Variants in USP37 observed in about 807,000 individuals in gnomAD.
USP37 encodes the protein ubiquitin specific peptidase 37.
Under a neutral mutation model 124.0 loss-of-function variants are expected in USP37, and 27 were observed. That is an observed-to-expected ratio of 0.22 (90% CI 0.16 to 0.30). The LOEUF is 0.30. Ranked by LOEUF, USP37 falls within the 10% of genes least tolerant of loss-of-function variation. The pLI is 1.00. For synonymous variants in USP37, 365 were observed against 388.0 expected (o/e 0.94, Z 0.70); for missense variants, 889 against 1,140.4 (o/e 0.78, Z 3.17).
chr2:218,543,501 CAAAAAAAAAAAA>C (rs35321679), intron 8 of USP37, among the ~76,000 whole-genome samples: 2 of 36,932 alleles, frequency 5.4e-5, no homozygotes, highest in East Asian at 8.7e-4. Context: ...GACTCCGTCT[CAAAAAAAAAAAA>C]AAAAAAAAAA....
chr2:218,553,609 T>C lies in USP37; in HGVS notation c.272A>G (p.Asp91Gly). The part of the protein sequence containing the change: ...FLSIDKVPSK[D>G]AEEMRLFLDA... ...TAGAAACAACCTCATTTCCTCTGCA[T>C]CCTTACTTGGTACTTTGTCAATAGA... is the stretch of plus-strand genomic sequence containing the variant. The change falls in exon 5 of 26, where the codon GAT becomes GGT. Residue 91 changes from aspartate (D) to glycine (G), a missense_variant. Asp to Gly is a moderately conservative substitution (Grantham distance 94). This residue lies in a region of USP37 where 374 missense variants were observed against 386.0 expected (regional missense o/e 0.97). Coordinates refer to ENST00000258399, the MANE Select transcript of USP37 (RefSeq NM_020935.3). 6.2e-7 allele frequency: 1 copy of C among 1,614,018 alleles called. No individual in the cohort carries two copies. Among genetic ancestry groups the C allele is most frequent in the East Asian group, 2.2e-5 (1 of 44,866 alleles).
intron 1 of USP37, among the ~76,000 whole-genome samples, chr2:218,563,358 T>G (rs1042538798): frequency 4.6e-5 from 7 of 152,230 alleles, no homozygotes. Context: ...AGCCTGCACC[T>G]TGTTCAACTT....
chr2:218,485,842 G>T, intron 15 of USP37, 99 bp from the exon 16 acceptor site: 1 of 1,306,654 alleles, frequency 7.7e-7, no homozygotes, highest in Non-Finnish European at 1.1e-6. Flanking sequence ...TTAGTGGAAT[G>T]ACAACTCTGA....
At chr2:218,481,586 C>T (rs980383792) in intron 17 of USP37, among the ~76,000 whole-genome samples, 10 of 152,066 alleles carry the variant, frequency 6.6e-5, no homozygotes, top group African/African-American at 1.7e-4. Context: ...AAATTTTAAG[C>T]ATTTTCTTCA....
At chr2:218,552,151 C>T (rs568456043) in intron 5 of USP37, among the ~76,000 whole-genome samples, 1 of 152,194 alleles carries the variant, frequency 6.6e-6, no homozygotes, top group Non-Finnish European at 1.5e-5. Flanking sequence ...AATTTGGTGG[C>T]ATGAACATAT....
chr2:218,465,979 C>T, intron 21 of USP37, 31 bp downstream of exon 21: 1 of 1,595,622 alleles, frequency 6.3e-7, no homozygotes, highest in Non-Finnish European at 8.5e-7. Context: ...AAGGTAAGTA[C>T]AGAGAAAGTA....
chr2:218,478,058 T>C (rs1016566056), intron 18 of USP37, among the ~76,000 whole-genome samples: 7 of 152,006 alleles, frequency 4.6e-5, no homozygotes, highest in African/African-American at 1.7e-4. Context: ...AAATGAAAAC[T>C]AGAAAATACA....
intron 23 of USP37, among the ~76,000 whole-genome samples, chr2:218,457,661 T>C (rs927597744): frequency 2.0e-5 from 3 of 152,204 alleles, no homozygotes; most frequent in African/African-American, 7.2e-5. Context: ...AACTTTTATA[T>C]TTTAAAAAAT....
At chr2:218,455,438 G>A (rs1651540557) in intron 25 of USP37, 142 bp downstream of exon 25, 1 of 1,014,578 alleles carries the variant, frequency 9.9e-7, no homozygotes, top group Non-Finnish European at 1.4e-6. Context: ...TCAAGAGATA[G>A]ACCCTAACCA....
At chr2:218,531,102 G>A (rs968269654) in intron 9 of USP37, among the ~76,000 whole-genome samples, 1 of 152,220 alleles carries the variant, frequency 6.6e-6, no homozygotes, top group Non-Finnish European at 1.5e-5. Context: ...TTAAACAACA[G>A]GTCTTCGATG....
chr2:218,561,813 A>G (rs1413287778), intron 2 of USP37, among the ~76,000 whole-genome samples: 4 of 152,166 alleles, frequency 2.6e-5, no homozygotes, highest in Admixed American at 2.6e-4. Context: ...GAGGCCCTTC[A>G]GGACTCAGGC....
chr2:218,546,260 T>G lies in USP37; in HGVS notation c.641A>C (p.Glu214Ala). Residue 214 changes from glutamate to alanine, a missense_variant, in exon 8 of 26, where the codon GAA (glutamate) becomes GCA (alanine). By Grantham distance (107) the Glu-to-Ala change is moderately radical. Coordinates refer to ENST00000258399, the MANE Select transcript of USP37 (RefSeq NM_020935.3). ...TTCCTTAGGGTAATCTTCATTCAAT[T>G]CTGAGCCAGTTGATATCATTCTTTT... ...KRKRMISTGS[E>A]LNEDYPKEND... is the part of the protein sequence containing the mutation. 1.2e-6 allele frequency: 2 copies of G among 1,613,356 alleles called. No homozygotes were observed. Among genetic ancestry groups the G allele is most frequent in the Non-Finnish European group, 1.7e-6 (2 of 1,179,846 alleles).
intron 20 of USP37, among the ~76,000 whole-genome samples, chr2:218,467,158 G>GT (rs1359296710): frequency 6.6e-6 from 1 of 151,738 alleles, no homozygotes; most frequent in South Asian, 2.1e-4. Context: ...ATTCAGGAAG[G>GT]TAAGAAATCC....
chr2:218,487,324 T>C (rs758426571), intron 15 of USP37, among the ~76,000 whole-genome samples: 15 of 152,262 alleles, frequency 9.9e-5, no homozygotes, highest in Non-Finnish European at 1.0e-4. Context: ...CTGCAGATCT[T>C]AGGATACCAA....
chr2:218,564,506 T>C (rs1461263861), intron 1 of USP37, among the ~76,000 whole-genome samples: 3 of 152,288 alleles, frequency 2.0e-5, no homozygotes, highest in African/African-American at 7.2e-5. Context: ...TGGCAACCCC[T>C]TCCCTTTCCA....
At chr2:218,458,852 A>G (rs1316616975) in intron 23 of USP37, among the ~76,000 whole-genome samples, 1 of 152,000 alleles carries the variant, frequency 6.6e-6, no homozygotes, top group African/African-American at 2.4e-5. Flanking sequence ...AAATCCCTTG[A>G]GCCCAGGAGT....
rs114167529 is a variant in USP37, at chr2:218,555,825, C to T, written c.157-2101G>A. Among the ~76,000 whole-genome samples, 490 of 152,230 alleles carry T rather than the reference C, an allele frequency of 3.2e-3. 1 individual carries two copies. Among genetic ancestry groups the T allele is most frequent in the African/African-American group, 0.011 (471 of 41,542 alleles). Reference sequence around the variant, plus strand: ...ACACCCCAATTCTTCCCCTCTGCTCCGTATCATGGAAGACATAAAAGTGAC... The same window carrying T: ...ACACCCCAATTCTTCCCCTCTGCTCTGTATCATGGAAGACATAAAAGTGAC... On this transcript the variant is annotated intron_variant, in intron 4 of 25. Coordinates refer to ENST00000258399, the MANE Select transcript of USP37 (RefSeq NM_020935.3).
At chr2:218,554,369 A>G (rs1692833204) in intron 4 of USP37, among the ~76,000 whole-genome samples, 2 of 152,208 alleles carry the variant, frequency 1.3e-5, no homozygotes, top group African/African-American at 4.8e-5. Context: ...TTATTTTCAG[A>G]TATAGTTATA....
In USP37 at chr2:218,461,884, C is replaced by T. The variant is rs189081298; in HGVS notation, c.2527+1422G>A. On this transcript the variant is annotated intron_variant, in intron 22 of 25. Transcript: ENST00000258399. ...TAAAAAATTAGCTGGAACCTGGGCA[C>T]GGTGGCTCACACCTGCAATCCCAAC... Among the ~76,000 whole-genome samples the T allele has an allele frequency of 2.2e-3, 335 of 152,066 alleles. 1 individual carries two copies. Among genetic ancestry groups the T allele is most frequent in the Non-Finnish European group, 3.5e-3 (239 of 67,958 alleles).
Sources: gnomAD v4.1 joint callset for allele counts (sites outside exome capture counted in the v4.1 genomes callset) on GRCh38, gnomAD v4.1.1 for gene constraint, gnomAD v4.1.1 regional missense constraint, MANE v1.5 for transcripts, NCBI Gene and HGNC (gene_info 2026-07-23, HGNC 2026-07-21) for gene names.